The following OTUD7A variants were observed in gnomAD, a reference collection of about 807,000 sequenced individuals.
OTUD7A encodes OTU deubiquitinase 7A.
OTUD7A carries 12 observed loss-of-function variants against 65.7 expected under a neutral mutation model. The observed-to-expected ratio is 0.18, with a 90% CI of 0.12 to 0.30. The LOEUF is 0.30. Ranked by LOEUF, OTUD7A falls within the 10% of genes least tolerant of loss-of-function variation. The probability of loss-of-function intolerance (pLI) is 1.00; values close to 1 mark genes in which losing one functional copy is unlikely to be tolerated. For missense variants in OTUD7A, 1,148 were observed against 1,304.8 expected, an observed-to-expected ratio of 0.88 and a Z score of 1.85; for synonymous variants, 641 against 586.3, an observed-to-expected ratio of 1.09 and a Z score of -1.35.
intron 4 of OTUD7A, among the ~76,000 whole-genome samples, chr15:31,561,918 T>C (rs1888704603): frequency 1.3e-5 from 2 of 152,162 alleles, no homozygotes; most frequent in Admixed American, 6.5e-5. Context: ...TACAGAAAGA[T>C]TAGAAAACAA....
intron 3 of OTUD7A, among the ~76,000 whole-genome samples, chr15:31,630,190 T>C (rs1357693308): frequency 6.7e-6 from 1 of 149,018 alleles, no homozygotes; most frequent in Non-Finnish European, 1.5e-5. Context: ...CGTTAGGGTG[T>C]CGATTTTGGA....
intron 1 of OTUD7A, among the ~76,000 whole-genome samples, chr15:31,734,256 GACAC>G (rs1009623213): frequency 3.9e-5 from 6 of 152,096 alleles, no homozygotes; most frequent in African/African-American, 1.4e-4. Flanking sequence ...AATCAGAAGT[GACAC>G]AAACAAATGG....
At chr15:31,851,462 G>T (rs902608432) in intron 1 of OTUD7A, among the ~76,000 whole-genome samples, 3 of 152,224 alleles carry the variant, frequency 2.0e-5, no homozygotes, top group African/African-American at 7.2e-5. Context: ...AAAGGCCAGA[G>T]AAACTGATGG....
At chr15:31,496,688 G>C (rs2041389519) in intron 10 of OTUD7A, among the ~76,000 whole-genome samples, 1 of 152,134 alleles carries the variant, frequency 6.6e-6, no homozygotes, top group Non-Finnish European at 1.5e-5. Context: ...TTGAAAACTG[G>C]AATGTTACAT....
At chr15:31,660,301 C>T (rs2141283855) in intron 1 of OTUD7A, among the ~76,000 whole-genome samples, 1 of 152,306 alleles carries the variant, frequency 6.6e-6, no homozygotes, top group Middle Eastern at 3.4e-3. Context: ...GTCAACATTC[C>T]AAGAGCCTGT....
chr15:31,540,144 C>G (rs1379664592), intron 5 of OTUD7A, among the ~76,000 whole-genome samples: 1 of 152,112 alleles, frequency 6.6e-6, no homozygotes, highest in Admixed American at 6.5e-5. Context: ...TTTTTGAAGG[C>G]ACAGAGCCCT....
intron 1 of OTUD7A, among the ~76,000 whole-genome samples, chr15:31,787,255 T>C (rs1895698977): frequency 6.6e-6 from 1 of 152,242 alleles, no homozygotes; most frequent in African/African-American, 2.4e-5. Flanking sequence ...GTACAGTTAT[T>C]GGTTGCCTCA....
At chr15:31,671,843 G>C (rs1200145535) in intron 1 of OTUD7A, among the ~76,000 whole-genome samples, 1 of 152,024 alleles carries the variant, frequency 6.6e-6, no homozygotes, top group Non-Finnish European at 1.5e-5. Context: ...ATGGGGGTTT[G>C]GTGTACAGAT....
intron 1 of OTUD7A, among the ~76,000 whole-genome samples, chr15:31,792,395 C>T (rs1238587164): frequency 6.6e-6 from 1 of 152,172 alleles, no homozygotes; most frequent in African/African-American, 2.4e-5. Flanking sequence ...CATGGCCAGG[C>T]TCACAGGACC....
chr15:31,822,292 T>C (rs916301603), intron 1 of OTUD7A, among the ~76,000 whole-genome samples: 3 of 152,160 alleles, frequency 2.0e-5, no homozygotes, highest in East Asian at 1.9e-4. Flanking sequence ...AGGCATGGGC[T>C]TCCCAAAGCG....
chr15:31,828,265 A>G (rs1896846522), intron 1 of OTUD7A, among the ~76,000 whole-genome samples: 1 of 151,892 alleles, frequency 6.6e-6, no homozygotes, highest in Non-Finnish European at 1.5e-5. Flanking sequence ...ATTCTTCCTC[A>G]GACATTTGCT....
At position 31,693,904 on chromosome 15, in the gene OTUD7A, CA is replaced by C. The variant is rs541851264; in HGVS notation, c.-99-36828del. Among the ~76,000 whole-genome samples the C allele has an allele frequency of 2.2e-4, 33 of 152,336 alleles. 1 individual carries two copies. In the East Asian group the frequency reaches 6.4e-3, roughly 29 times the overall value. ...CATCACCACGGGACTTGGGCTGTTC[CA>C]AAGGTCCTGGTGAAGATGAAAAGGG... On this transcript the variant is annotated intron_variant, in intron 1 of 12. Transcript: ENST00000307050.
chr15:31,580,184 C>T (rs1276102664), intron 3 of OTUD7A, among the ~76,000 whole-genome samples: 1 of 152,134 alleles, frequency 6.6e-6, no homozygotes, highest in Non-Finnish European at 1.5e-5. Flanking sequence ...TGGGCAAGTA[C>T]ATTCAAGGTA....
intron 10 of OTUD7A, among the ~76,000 whole-genome samples, chr15:31,494,858 G>C (rs757635278): frequency 1.3e-5 from 2 of 152,228 alleles, no homozygotes; most frequent in Admixed American, 6.5e-5. Context: ...TCTCAGAAGC[G>C]GTTTTGTTGG....
chr15:31,645,988 A>G (rs1891649279), intron 3 of OTUD7A, among the ~76,000 whole-genome samples: 1 of 152,232 alleles, frequency 6.6e-6, no homozygotes, highest in South Asian at 2.1e-4. Context: ...GGGAGTTCTT[A>G]ATATGCAGCA....
rs1383373723 is a variant in OTUD7A at position 31,480,317 on chromosome 15, TGTAAA to T, written c.*2972_*2976del. The T allele has an allele frequency of 1.3e-5, 2 of 152,188 alleles. No individual in the cohort carries two copies. Among genetic ancestry groups the T allele is most frequent in the Admixed American group, 6.5e-5 (1 of 15,280 alleles). The allele number at this position is 152,188 out of a possible 1,614,324, so 9.4% of individuals were successfully genotyped here. ...ACCCAGATAACAAATGTGCAGGAAATGTAAAGTAAATTTCTGAAATAACCTTCGCA... is the reference window on the plus strand; with the variant it reads ...ACCCAGATAACAAATGTGCAGGAAATGTAAATTTCTGAAATAACCTTCGCA... On this transcript the variant is annotated 3_prime_UTR_variant, in exon 13 of 13. Transcript: ENST00000307050.
chr15:31,500,583 G>A (rs1223931676), intron 10 of OTUD7A, among the ~76,000 whole-genome samples: 1 of 152,254 alleles, frequency 6.6e-6, no homozygotes, highest in East Asian at 1.9e-4. Flanking sequence ...CTGGCGGAGG[G>A]CTGGGGGAGG....
intron 1 of OTUD7A, among the ~76,000 whole-genome samples, chr15:31,826,620 G>A (rs925039518): frequency 1.3e-5 from 2 of 152,196 alleles, no homozygotes; most frequent in African/African-American, 2.4e-5. Context: ...GCAAATTTCT[G>A]CAGCTGGCTT....
At chr15:31,614,378 T>C (rs939139085) in intron 3 of OTUD7A, among the ~76,000 whole-genome samples, 1 of 152,098 alleles carries the variant, frequency 6.6e-6, no homozygotes, top group African/African-American at 2.4e-5. Flanking sequence ...AGAAGTGGTA[T>C]GAACCCCAAG....
Sources: gnomAD v4.1 joint callset for allele counts (sites outside exome capture counted in the v4.1 genomes callset) on GRCh38, gnomAD v4.1.1 for gene constraint, MANE v1.5 for transcripts, NCBI Gene and HGNC (gene_info 2026-07-23, HGNC 2026-07-21) for gene names.